Variants in NELFA observed in about 807,000 individuals in gnomAD.
NELFA encodes the protein negative elongation factor complex member A.
Under a neutral mutation model 51.8 loss-of-function variants are expected in NELFA, and 35 were observed. That is an observed-to-expected ratio of 0.68 (90% CI 0.52 to 0.90). The LOEUF (loss-of-function observed/expected upper bound fraction) is 0.90, where lower values mean the gene tolerates loss of function less well. Ranked by LOEUF, NELFA falls within the 40% of genes least tolerant of loss-of-function variation. The pLI, the probability that NELFA is intolerant of heterozygous loss-of-function variation, is 0.00. For synonymous variants in NELFA, 417 were observed against 338.4 expected (o/e 1.23, Z -2.55); for missense variants, 658 against 746.4 (o/e 0.88, Z 1.38).
chr4:1,996,811 G>A (rs1728438661), intron 1 of NELFA, among the ~76,000 whole-genome samples: 1 of 152,102 alleles, frequency 6.6e-6, no homozygotes, highest in Admixed American at 6.5e-5. Flanking sequence ...ACACGCCTGT[G>A]ATCCCAGCTA....
chr4:2,002,093 G>A (rs924789482), intron 1 of NELFA, among the ~76,000 whole-genome samples: 14 of 151,828 alleles, frequency 9.2e-5, no homozygotes, highest in Admixed American at 3.9e-4. Context: ...CCAGCTACTA[G>A]GGAGGCTGAC....
chr4:1,989,694 C>CCCG lies in NELFA; in HGVS notation c.544+13_544+14insCGG. ...CTACAAAGACAATGCCCGATGGCGG[C>CCCG]CGCGGCCACTCACACTTCTGCAGCA... On this transcript the variant is annotated intron_variant, in intron 3 of 10. Coordinates refer to ENST00000382882, the MANE Select transcript of NELFA (RefSeq NM_005663.5). This position sits in a 1 kb window ranked among gnomAD's most constrained non-coding sequence, Gnocchi z 4.8. The CCCG allele has an allele frequency of 6.2e-7, 1 of 1,610,994 alleles. No homozygotes were observed.
At chr4:1,991,781 G>C in intron 1 of NELFA, 66 bp from the exon 2 acceptor site, 1 of 1,495,028 alleles carries the variant, frequency 6.7e-7, no homozygotes, top group South Asian at 1.3e-5. Flanking sequence ...TCCCTGCTGA[G>C]CTTCCGGATG....
intron 4 of NELFA, chr4:1,987,353 G>C: frequency 6.6e-6 from 1 of 152,652 alleles, no homozygotes; most frequent in Non-Finnish European, 1.5e-5. Flanking sequence ...ATGGTTCCCA[G>C]GGGCACGCCG....
At chr4:1,990,168 G>A (rs1728230549) in intron 2 of NELFA, 3 of 452,430 alleles carry the variant, frequency 6.6e-6, no homozygotes, top group Admixed American at 6.8e-5. Context: ...ATTCCTGGAG[G>A]GCTCCAGACA....
chr4:1,987,049 C>G lies in NELFA; in HGVS notation c.635-647G>C, dbSNP rs573930659. On this transcript the variant is annotated intron_variant, in intron 4 of 10. Transcript: ENST00000382882. ...GGGGTAGAGGAGAGCAAGGTGGAACCTCGGCTGCGGTGGGCAGGAACATGA... is the reference window on the plus strand; with the variant it reads ...GGGGTAGAGGAGAGCAAGGTGGAACGTCGGCTGCGGTGGGCAGGAACATGA... Among the ~76,000 whole-genome samples, 14 of 152,252 alleles carry G rather than the reference C, an allele frequency of 9.2e-5. No homozygotes were observed. In the South Asian group the frequency reaches 2.9e-3, roughly 32 times the overall value.
rs544162879 is a variant in NELFA, at chr4:1,994,875, A to G, written c.211-3160T>C. Among the ~76,000 whole-genome samples, 8 of 152,302 alleles carry G rather than the reference A, an allele frequency of 5.3e-5. No homozygotes were observed. In the South Asian group the frequency reaches 1.5e-3, roughly 28 times the overall value. On this transcript the variant is annotated intron_variant, in intron 1 of 10. Transcript: ENST00000382882. ...AAAAAAAAAAAAAAAATTAAAAATA[A>G]AAAGACACATTACAAAACCAGTGAA... is the stretch of plus-strand genomic sequence containing the variant.
In NELFA at chr4:1,987,923, G is replaced by T. The variant is rs1049799261; in HGVS notation, c.629C>A (p.Thr210Asn). Residue 210 changes from threonine to asparagine, a missense_variant, in exon 4 of 11, where the codon ACC (threonine) becomes AAC (asparagine). By Grantham distance (65) the Thr-to-Asn change is moderately conservative (BLOSUM62 0). This residue lies in a region of NELFA where 371 missense variants were observed against 448.3 expected (regional missense o/e 0.83). Coordinates refer to ENST00000382882, the MANE Select transcript of NELFA (RefSeq NM_005663.5). Reference protein sequence around the residue: ...KGRGLLRKMDTTTPLKGIPKQ... With the variant: ...KGRGLLRKMDNTTPLKGIPKQ... Reference sequence around the variant, plus strand: ...CACCAGGGTGGGGGCCTTACTGGTGGTGTCCATCTTCCGCAGCAGCCCCCG... The same window carrying T: ...CACCAGGGTGGGGGCCTTACTGGTGTTGTCCATCTTCCGCAGCAGCCCCCG... 6 of 1,605,632 alleles carry T rather than the reference G, an allele frequency of 3.7e-6. No homozygotes were observed. Among genetic ancestry groups the T allele is most frequent in the Non-Finnish European group, 5.1e-6 (6 of 1,177,432 alleles).
chr4:1,998,034 C>T (rs750210810), intron 1 of NELFA, among the ~76,000 whole-genome samples: 7 of 152,210 alleles, frequency 4.6e-5, no homozygotes, highest in Middle Eastern at 6.8e-3. Context: ...ACTGCAGCAG[C>T]CCTACAGAAG....
At position 1,989,656 on chromosome 4, in the gene NELFA, C is replaced by T; in HGVS notation, c.544+52G>A. ...CTTGGTACCTTAGAACCTAAGAAAC[C>T]TATGACTGGAAACTACAAAGACAAT... On this transcript the variant is annotated intron_variant, in intron 3 of 10. Transcript: ENST00000382882. The surrounding 1 kb of genome is among the most constrained non-coding windows in gnomAD (Gnocchi z 4.8). 6.3e-7 allele frequency: 1 copy of T among 1,575,530 alleles called. No individual in the cohort carries two copies. Among genetic ancestry groups the T allele is most frequent in the South Asian group, 1.2e-5 (1 of 85,136 alleles).
Position 1,983,220 on chromosome 4 carries a change from C to T in NELFA, c.*99G>A. The T allele has an allele frequency of 3.8e-6, 5 of 1,305,422 alleles. No individual in the cohort carries two copies. Among genetic ancestry groups the T allele is most frequent in the Admixed American group, 2.3e-5 (1 of 44,164 alleles). 80.9% of individuals were successfully genotyped at this position (1,305,422 alleles called of 1,614,324 possible). ...CAGCAGCAGGGCGGCGGCCGGGGGA[C>T]CTCGGGGGCCAGGTGTCCGCCATCC... is the stretch of plus-strand genomic sequence containing the variant. On this transcript the variant is annotated 3_prime_UTR_variant, in exon 11 of 11. Transcript: ENST00000382882.
rs536248627 is a variant in NELFA at position 2,005,394 on chromosome 4, T to A, written c.210+3356A>T. 1.8e-4 allele frequency among the ~76,000 whole-genome samples: 28 copies of A among 151,452 alleles called. No homozygotes were observed. In the East Asian group the frequency reaches 4.1e-3, roughly 22 times the overall value. On this transcript the variant is annotated intron_variant, in intron 1 of 10. Coordinates refer to ENST00000382882, the MANE Select transcript of NELFA (RefSeq NM_005663.5). Reference sequence around the variant, plus strand: ...AAGGAGATTCTATAGAAAAAAAAAATTTTGCAACTAGCAAAACTTTAGCAC... The same window carrying A: ...AAGGAGATTCTATAGAAAAAAAAAAATTTGCAACTAGCAAAACTTTAGCAC...
At chr4:1,985,139 G>C (rs562289860) in intron 7 of NELFA, among the ~76,000 whole-genome samples, 1 of 152,184 alleles carries the variant, frequency 6.6e-6, no homozygotes, top group African/African-American at 2.4e-5. Flanking sequence ...GTGTAGGAGA[G>C]GGGAGGGGTT....
intron 1 of NELFA, among the ~76,000 whole-genome samples, chr4:2,007,352 G>A (rs769680810): frequency 8.5e-5 from 13 of 152,162 alleles, no homozygotes; most frequent in Non-Finnish European, 1.8e-4. Flanking sequence ...TGTAGTAACG[G>A]GATGATTTAC....
chr4:1,989,879 A>C lies in NELFA; in HGVS notation c.383-10T>G, dbSNP rs375267862. On this transcript the variant is annotated splice_polypyrimidine_tract_variant and intron_variant, in intron 2 of 10. Coordinates refer to ENST00000382882, the MANE Select transcript of NELFA (RefSeq NM_005663.5). The surrounding 1 kb of genome is among the most constrained non-coding windows in gnomAD (Gnocchi z 4.8). ...GCTTCACACTCACCCACTGCCGGTA[A>C]GAACCACATGAAGTTAGGGGCGCCC... The C allele has an allele frequency of 1.7e-4, 270 of 1,611,566 alleles. 1 individual carries two copies. The highest frequency in any genetic ancestry group is 2.1e-4 in the Non-Finnish European group (250 of 1,178,940).
chr4:1,990,180 T>C (rs568654634), intron 2 of NELFA: 4 of 434,454 alleles, frequency 9.2e-6, no homozygotes, highest in South Asian at 2.1e-5. Flanking sequence ...CTCCAGACAC[T>C]TGTAGAACAT....
chr4:1,983,002 GTC>G lies in NELFA; in HGVS notation c.*315_*316del. 1 of 202,726 alleles carries G rather than the reference GTC, an allele frequency of 4.9e-6. No homozygotes were observed. Among genetic ancestry groups the G allele is most frequent in the Non-Finnish European group, 9.7e-6 (1 of 103,404 alleles). 12.6% of individuals were successfully genotyped at this position (202,726 alleles called of 1,614,324 possible). A position where few individuals can be genotyped will look rare whatever the true frequency, so the allele number is the denominator to read the frequency against. On this transcript the variant is annotated 3_prime_UTR_variant, in exon 11 of 11. Coordinates refer to ENST00000382882, the MANE Select transcript of NELFA (RefSeq NM_005663.5). ...ATAGAAAAGATTTTAAAAAGTAAGA[GTC>G]TAACAGGCAGAGCTGTCACTAAAAT... is the stretch of plus-strand genomic sequence containing the variant.
intron 1 of NELFA, among the ~76,000 whole-genome samples, chr4:2,005,393 A>T (rs943647652): frequency 1.3e-5 from 2 of 152,092 alleles, no homozygotes; most frequent in African/African-American, 2.4e-5. Context: ...GAAAAAAAAA[A>T]TTTTGCAACT....
intron 1 of NELFA, chr4:2,008,138 G>A (rs1229964787): frequency 9.3e-6 from 4 of 432,418 alleles, no homozygotes; most frequent in Non-Finnish European, 1.9e-5. Context: ...TTTCTCTCGG[G>A]ATCCCCGCCC....
Sources: allele counts gnomAD v4.1 joint callset (sites outside exome capture counted in the v4.1 genomes callset), GRCh38; gene constraint gnomAD v4.1.1; regional missense constraint gnomAD v4.1.1; non-coding constraint Gnocchi (gnomAD v3.1); transcripts MANE v1.5; gene names NCBI Gene and HGNC (gene_info 2026-07-23, HGNC 2026-07-21).